The following RPS6KB1 variants were observed in gnomAD, a reference collection of about 807,000 sequenced individuals.
RPS6KB1 encodes ribosomal protein S6 kinase beta-1.
In RPS6KB1, 12 loss-of-function variants were observed where a neutral mutation model predicts 70.2. That is an observed-to-expected ratio of 0.17 (90% CI 0.11 to 0.28). The LOEUF is 0.28. Ranked by LOEUF, RPS6KB1 falls within the 10% of genes least tolerant of loss-of-function variation. The probability of loss-of-function intolerance (pLI) is 1.00; values close to 1 mark genes in which losing one functional copy is unlikely to be tolerated. For missense variants in RPS6KB1, 270 were observed against 646.6 expected, an observed-to-expected ratio of 0.42 and a Z score of 6.32; for synonymous variants, 175 against 211.2, an observed-to-expected ratio of 0.83 and a Z score of 1.49.
intron 1 of RPS6KB1, among the ~76,000 whole-genome samples, chr17:59,895,609 A>C (rs2041502543): frequency 6.6e-6 from 1 of 151,486 alleles, no homozygotes; most frequent in South Asian, 2.1e-4. Flanking sequence ...GGTGTGAGCC[A>C]CCCCACCAGG....
At chr17:59,900,474 T>C (rs1484947748) in intron 1 of RPS6KB1, among the ~76,000 whole-genome samples, 2 of 152,084 alleles carry the variant, frequency 1.3e-5, no homozygotes, top group Admixed American at 6.6e-5. Context: ...CAAGCGATTC[T>C]CTTTCCTCAG....
chr17:59,922,948 C>T (rs2043368983), intron 4 of RPS6KB1, among the ~76,000 whole-genome samples: 1 of 150,478 alleles, frequency 6.6e-6, no homozygotes, highest in Non-Finnish European at 1.5e-5. Flanking sequence ...CTCACTGCAA[C>T]CTCCATCTCC....
Position 59,947,644 on chromosome 17 carries a change from T to C in RPS6KB1, c.*856T>C, listed in dbSNP as rs1168482235. On this transcript the variant is annotated 3_prime_UTR_variant, in exon 15 of 15. Coordinates refer to ENST00000225577, the MANE Select transcript of RPS6KB1 (RefSeq NM_003161.4). ...TGGAATGGGCATAAGTTGTATGTCC[T>C]ACATTTCATCATTGTCCCGGGCCTG... is the stretch of plus-strand genomic sequence containing the variant. 5 of 1,078,376 alleles carry C rather than the reference T, an allele frequency of 4.6e-6. No homozygotes were observed. Among genetic ancestry groups the C allele is most frequent in the Non-Finnish European group, 7.0e-6 (5 of 716,436 alleles). 66.8% of individuals were successfully genotyped at this position (1,078,376 alleles called of 1,614,324 possible). A position where few individuals can be genotyped will look rare whatever the true frequency, so the allele number is the denominator to read the frequency against.
At chr17:59,927,979 G>C (rs1467825512) in intron 5 of RPS6KB1, among the ~76,000 whole-genome samples, 1 of 151,696 alleles carries the variant, frequency 6.6e-6, no homozygotes, top group Non-Finnish European at 1.5e-5. Flanking sequence ...CCAACATAGT[G>C]AAACCCTGTC....
intron 5 of RPS6KB1, among the ~76,000 whole-genome samples, chr17:59,927,644 C>G (rs1395249665): frequency 4.7e-5 from 7 of 148,738 alleles, no homozygotes; most frequent in African/African-American, 1.7e-4. Flanking sequence ...TTAGCTGGGA[C>G]TACAGGCATG....
At chr17:59,900,597 C>T (rs1598640618) in intron 1 of RPS6KB1, among the ~76,000 whole-genome samples, 1 of 152,032 alleles carries the variant, frequency 6.6e-6, no homozygotes, top group East Asian at 1.9e-4. Flanking sequence ...AACTCCCAAT[C>T]TCAGGTGATC....
At chr17:59,895,820 A>G (rs2041519018) in intron 1 of RPS6KB1, among the ~76,000 whole-genome samples, 1 of 151,650 alleles carries the variant, frequency 6.6e-6, no homozygotes, top group Non-Finnish European at 1.5e-5. Context: ...TTTAGTAGAG[A>G]TGGGGTTTCA....
intron 10 of RPS6KB1, among the ~76,000 whole-genome samples, chr17:59,935,797 ATTTTCTTTTC>A (rs150614038): frequency 0.13 from 19,496 of 149,176 alleles, 1,507 homozygotes; most frequent in Middle Eastern, 0.23. Context: ...AGTAAACTAT[ATTTTCTTTTC>A]TTTTCTTTTC....
At chr17:59,895,562 A>T (rs2041499018) in intron 1 of RPS6KB1, among the ~76,000 whole-genome samples, 2 of 148,544 alleles carry the variant, frequency 1.3e-5, no homozygotes, top group South Asian at 4.3e-4. Flanking sequence ...ACCTCAGGTG[A>T]TCACCTGCCT....
rs373201580 is a variant in RPS6KB1 at position 59,936,218 on chromosome 17, C to A, written c.982C>A (p.Leu328Met). 10 of 1,594,102 alleles carry A rather than the reference C, an allele frequency of 6.3e-6. No individual in the cohort carries two copies. Among genetic ancestry groups the A allele is most frequent in the Non-Finnish European group, 7.7e-6 (9 of 1,175,280 alleles). ...AAGCTTTTTTTCCTCTTTAAAGCTG[C>A]TGAAAAGAAATGCTGCTTCTCGTCT... ...QEARDLLKKL[L>M]KRNAASRLGA... is the part of the protein sequence containing the mutation. Residue 328 changes from leucine to methionine, a missense_variant, in exon 11 of 15, where the codon CTG (leucine) becomes ATG (methionine). Around this residue, in one of 4 missense-constraint regions of RPS6KB1, gnomAD observed 133 missense variants for 314.7 expected, o/e 0.42. Transcript: ENST00000225577.
At chr17:59,899,471 G>A (rs1412441668) in intron 1 of RPS6KB1, among the ~76,000 whole-genome samples, 1 of 152,082 alleles carries the variant, frequency 6.6e-6, no homozygotes, top group African/African-American at 2.4e-5. Context: ...TCAAAATCAT[G>A]GTCCAGTCTT....
intron 12 of RPS6KB1, among the ~76,000 whole-genome samples, chr17:59,938,655 ACT>A (rs946047902): frequency 1.4e-5 from 2 of 146,720 alleles, no homozygotes; most frequent in African/African-American, 5.1e-5. Context: ...TTCAGATTAA[ACT>A]CTCAGTATTG....
intron 1 of RPS6KB1, among the ~76,000 whole-genome samples, chr17:59,900,919 T>G (rs1267088681): frequency 6.6e-6 from 1 of 151,446 alleles, no homozygotes; most frequent in Non-Finnish European, 1.5e-5. Context: ...CTCAGTACTT[T>G]GGGAGGCCAA....
chr17:59,940,956 A>ATTTCCATG lies in RPS6KB1; in HGVS notation c.1227+15_1227+22dup, dbSNP rs753315172. ...TCAGGTCTTTCTGGTAAGTGAAAGA[A>ATTTCCATG]TTTCCATGTAGTCATGGGAAATTTT... On this transcript the variant is annotated intron_variant, in intron 13 of 14. Transcript: ENST00000225577. The ATTTCCATG allele has an allele frequency of 1.3e-6, 2 of 1,534,428 alleles. No homozygotes were observed. Among genetic ancestry groups the ATTTCCATG allele is most frequent in the Non-Finnish European group, 1.8e-6 (2 of 1,122,188 alleles).
At chr17:59,901,441 G>A (rs1210091061) in intron 1 of RPS6KB1, among the ~76,000 whole-genome samples, 2 of 149,740 alleles carry the variant, frequency 1.3e-5, no homozygotes, top group Admixed American at 6.6e-5. Flanking sequence ...GAGCCACCGC[G>A]CCTGGCCGAG....
At chr17:59,936,311 A>C in intron 11 of RPS6KB1, 34 bp downstream of exon 11, 4 of 1,565,918 alleles carry the variant, frequency 2.6e-6, no homozygotes, top group Non-Finnish European at 3.5e-6. Flanking sequence ...TTTGTGGGGA[A>C]GATAATGCTA....
chr17:59,896,406 C>T (rs1452782972), intron 1 of RPS6KB1, among the ~76,000 whole-genome samples: 1 of 152,074 alleles, frequency 6.6e-6, no homozygotes, highest in Admixed American at 6.6e-5. Context: ...GTTGGTCAGG[C>T]TGGTCCGGAA....
In RPS6KB1 at chr17:59,905,541, G is replaced by T. The variant is rs377341823; in HGVS notation, c.142-5021G>T. Among the ~76,000 whole-genome samples the T allele has an allele frequency of 2.7e-5, 4 of 148,220 alleles. No homozygotes were observed. The East Asian group carries it at 6.0e-4, about 22-fold the overall frequency. On this transcript the variant is annotated intron_variant, in intron 1 of 14. Coordinates refer to ENST00000225577, the MANE Select transcript of RPS6KB1 (RefSeq NM_003161.4). ...TTTTTTGAGACGGAGTTTTGCTCTT[G>T]TTGCCCAGGCTGGAGGGCAATGACA...
intron 4 of RPS6KB1, among the ~76,000 whole-genome samples, chr17:59,920,949 C>G (rs2043230198): frequency 6.6e-6 from 1 of 152,184 alleles, no homozygotes; most frequent in African/African-American, 2.4e-5. Context: ...CCGCCCACCT[C>G]AGCCCCCTAA....
Sources: allele counts gnomAD v4.1 joint callset (sites outside exome capture counted in the v4.1 genomes callset), GRCh38; gene constraint gnomAD v4.1.1; regional missense constraint gnomAD v4.1.1; transcripts MANE v1.5; gene names NCBI Gene and HGNC (gene_info 2026-07-23, HGNC 2026-07-21).